SDK1: variants seen among roughly 807,000 people sequenced by gnomAD.
The protein encoded by SDK1 is sidekick cell adhesion molecule 1.
In SDK1, 157 loss-of-function variants were observed where a neutral mutation model predicts 245.5. The observed-to-expected ratio is 0.64, with a 90% CI of 0.56 to 0.73. The LOEUF (loss-of-function observed/expected upper bound fraction) is 0.73, where lower values mean the gene tolerates loss of function less well. Among genes scored for constraint, SDK1 ranks in the 30% least tolerant of loss-of-function variants. The probability of loss-of-function intolerance (pLI) is 0.00; values close to 1 mark genes in which losing one functional copy is unlikely to be tolerated. For synonymous variants in SDK1, 1,647 were observed against 1,278.5 expected (o/e 1.29, Z -6.15); for missense variants, 3,583 against 3,002.3 (o/e 1.19, Z -4.52).
At chr7:3,435,291 T>C (rs1340897504) in intron 1 of SDK1, among the ~76,000 whole-genome samples, 1 of 150,352 alleles carries the variant, frequency 6.7e-6, no homozygotes, top group Non-Finnish European at 1.5e-5. Flanking sequence ...AATCCACCTA[T>C]TTTGATACTT....
At chr7:3,539,827 C>T (rs781252841) in intron 1 of SDK1, among the ~76,000 whole-genome samples, 5 of 152,156 alleles carry the variant, frequency 3.3e-5, no homozygotes, top group East Asian at 1.9e-4. Flanking sequence ...AAACACTGCC[C>T]ATTCTAGGAT....
chr7:3,656,497 C>CT (rs1783189246), intron 4 of SDK1, among the ~76,000 whole-genome samples: 1 of 152,160 alleles, frequency 6.6e-6, no homozygotes, highest in Non-Finnish European at 1.5e-5. Flanking sequence ...ACTTTGGACT[C>CT]TAAGGGGGTA....
chr7:3,582,479 G>A (rs1780535307), intron 1 of SDK1, among the ~76,000 whole-genome samples: 1 of 151,420 alleles, frequency 6.6e-6, no homozygotes. Flanking sequence ...TCTCAGGTAG[G>A]TCTCCCTCAG....
chr7:3,438,947 G>A (rs1275206282), intron 1 of SDK1, among the ~76,000 whole-genome samples: 1 of 150,678 alleles, frequency 6.6e-6, no homozygotes. Flanking sequence ...CTGCCTCCTG[G>A]GTTGAAGTGA....
intron 35 of SDK1, among the ~76,000 whole-genome samples, chr7:4,185,676 C>T (rs548717368): frequency 6.6e-6 from 1 of 152,198 alleles, no homozygotes; most frequent in Non-Finnish European, 1.5e-5. Flanking sequence ...GAACATGCCA[C>T]GTACACAGCT....
intron 5 of SDK1, among the ~76,000 whole-genome samples, chr7:3,899,089 A>G (rs919931954): frequency 6.6e-6 from 1 of 152,304 alleles, no homozygotes; most frequent in African/African-American, 2.4e-5. Context: ...CTAAAATATC[A>G]TATTTCCTGT....
intron 38 of SDK1, among the ~76,000 whole-genome samples, chr7:4,217,810 T>G (rs982217486): frequency 4.5e-4 from 68 of 152,324 alleles, no homozygotes; most frequent in African/African-American, 1.6e-3. Flanking sequence ...AATAAAATTC[T>G]GACACACCTG....
At chr7:4,263,655 G>C (rs866980247) in intron 44 of SDK1, among the ~76,000 whole-genome samples, 3 of 8,584 alleles carry the variant, frequency 3.5e-4, no homozygotes, top group Non-Finnish European at 2.1e-4. Flanking sequence ...CCGCGTAGAC[G>C]TCTCCTGAGT....
chr7:3,565,148 T>A (rs1779870581), intron 1 of SDK1, among the ~76,000 whole-genome samples: 1 of 151,682 alleles, frequency 6.6e-6, no homozygotes, highest in Non-Finnish European at 1.5e-5. Context: ...AACTAGACAC[T>A]GGAATATAGC....
chr7:3,487,544 C>A (rs1474672750), intron 1 of SDK1, among the ~76,000 whole-genome samples: 1 of 151,884 alleles, frequency 6.6e-6, no homozygotes, highest in Non-Finnish European at 1.5e-5. Context: ...GAGTTCGAGA[C>A]CAGCTTGGGC....
intron 5 of SDK1, among the ~76,000 whole-genome samples, chr7:3,925,114 C>T (rs1444707053): frequency 6.6e-6 from 1 of 152,028 alleles, no homozygotes; most frequent in Non-Finnish European, 1.5e-5. Flanking sequence ...AATAAAACAA[C>T]CCCAGACACC....
At chr7:3,772,375 G>C (rs1780428559) in intron 4 of SDK1, among the ~76,000 whole-genome samples, 1 of 151,850 alleles carries the variant, frequency 6.6e-6, no homozygotes, top group African/African-American at 2.4e-5. Flanking sequence ...ACAAAGTGCT[G>C]CTCTTTTATA....
intron 8 of SDK1, 108 bp downstream of exon 8, chr7:3,959,122 G>A (rs1781479885): frequency 1.2e-6 from 1 of 857,316 alleles, no homozygotes; most frequent in East Asian, 2.4e-5. Flanking sequence ...GAGTGTGATG[G>A]CGAAGAGCAG....
intron 2 of SDK1, among the ~76,000 whole-genome samples, chr7:3,621,615 C>G (rs1244794582): frequency 1.3e-5 from 2 of 152,150 alleles, no homozygotes; most frequent in East Asian, 3.9e-4. Context: ...CTGAATTCCC[C>G]AAGAACAGGC....
chr7:3,365,377 C>T, intron 1 of SDK1, among the ~76,000 whole-genome samples: 1 of 152,116 alleles, frequency 6.6e-6, no homozygotes, highest in Non-Finnish European at 1.5e-5. Context: ...ATTCTGGGTA[C>T]CATTGCAATA....
At chr7:4,051,510 GC>G (rs1305688875) in intron 18 of SDK1, 127 bp from the exon 19 acceptor site, 2 of 747,126 alleles carry the variant, frequency 2.7e-6, no homozygotes, top group Non-Finnish European at 4.2e-6. Context: ...ATTATAAAAT[GC>G]AGGATTTATG....
At chr7:3,584,231 GA>G (rs1402334017) in intron 1 of SDK1, among the ~76,000 whole-genome samples, 1 of 152,114 alleles carries the variant, frequency 6.6e-6, no homozygotes, top group Non-Finnish European at 1.5e-5. Flanking sequence ...TGTAGGAGGG[GA>G]TATGTTGTGT....
At chr7:4,101,996 A>G (rs1238821706) in intron 22 of SDK1, among the ~76,000 whole-genome samples, 1 of 152,166 alleles carries the variant, frequency 6.6e-6, no homozygotes, top group Non-Finnish European at 1.5e-5. Flanking sequence ...GCCTCTGAAG[A>G]TCCAAAGAAT....
At chr7:3,609,574 G>T (rs1484764203) in intron 1 of SDK1, among the ~76,000 whole-genome samples, 1 of 151,812 alleles carries the variant, frequency 6.6e-6, no homozygotes, top group South Asian at 2.1e-4. Context: ...CTAATTTTTT[G>T]TATTTTCAGT....
Sources: allele counts gnomAD v4.1 joint callset (sites outside exome capture counted in the v4.1 genomes callset), GRCh38; gene constraint gnomAD v4.1.1; transcripts MANE v1.5; gene names NCBI Gene and HGNC (gene_info 2026-07-23, HGNC 2026-07-21).